RRP1B: variants seen among roughly 807,000 people sequenced by gnomAD.
RRP1B encodes ribosomal RNA processing protein 1 homolog B.
A neutral mutation model predicts 80.2 loss-of-function variants in RRP1B; 56 were observed. The observed-to-expected ratio is 0.70, with a 90% CI of 0.56 to 0.87. The LOEUF is 0.87. Among genes scored for constraint, RRP1B ranks in the 40% least tolerant of loss-of-function variants. The pLI is 0.00. For missense variants in RRP1B, 807 were observed against 939.8 expected (o/e 0.86, Z 1.85); for synonymous variants, 351 against 357.6 (o/e 0.98, Z 0.21).
At chr21:43,681,407 G>A (rs188698436) in intron 8 of RRP1B, among the ~76,000 whole-genome samples, 23 of 150,564 alleles carry the variant, frequency 1.5e-4, no homozygotes, top group Admixed American at 4.6e-4. Flanking sequence ...CCAGGCTGGA[G>A]TGCAATGGCG....
At chr21:43,687,353 G>A (rs1336276752) in intron 12 of RRP1B, among the ~76,000 whole-genome samples, 163 bp from the exon 13 acceptor site, 1 of 152,182 alleles carries the variant, frequency 6.6e-6, no homozygotes, top group Non-Finnish European at 1.5e-5. Context: ...GGGACCAGAC[G>A]ACAAAGGTAG....
At chr21:43,686,420 G>C (rs1444652635) in intron 11 of RRP1B, 1 of 181,390 alleles carries the variant, frequency 5.5e-6, no homozygotes, top group Non-Finnish European at 1.2e-5. Flanking sequence ...GGTCCCCCCG[G>C]GAAAGGCTGA....
At chr21:43,675,477 G>A (rs1209492352) in intron 6 of RRP1B, among the ~76,000 whole-genome samples, 1 of 152,162 alleles carries the variant, frequency 6.6e-6, no homozygotes, top group Admixed American at 6.6e-5. Flanking sequence ...TATGCAAATG[G>A]TAGACATTTT....
Position 43,690,174 on chromosome 21 carries a change from C to T in RRP1B, c.1867-114C>T, listed in dbSNP as rs182557632. On this transcript the variant is annotated intron_variant, in intron 13 of 15. Coordinates refer to ENST00000340648, the MANE Select transcript of RRP1B (RefSeq NM_015056.3). The stretch of plus-strand genomic sequence containing the variant: ...AAGTGCGGTGCGGAAGACCGCGGGC[C>T]GTCGGGTGGGCTGGATCTGCCTGGG... The T allele has an allele frequency of 1.1e-4, 139 of 1,236,464 alleles. No homozygotes were observed. In the Admixed American group the frequency reaches 1.8e-3, roughly 16 times the overall value. 76.6% of individuals were successfully genotyped at this position (1,236,464 alleles called of 1,614,324 possible). A position where few individuals can be genotyped will look rare whatever the true frequency, so the allele number is the denominator to read the frequency against.
chr21:43,677,573 TA>T (rs747162128), intron 8 of RRP1B, among the ~76,000 whole-genome samples: 2 of 152,216 alleles, frequency 1.3e-5, no homozygotes, highest in Non-Finnish European at 2.9e-5. Flanking sequence ...TCCTAAAAAC[TA>T]AGGACCAAAG....
intron 11 of RRP1B, 34 bp downstream of exon 11, chr21:43,685,823 T>C (rs1484769153): frequency 1.9e-6 from 3 of 1,589,490 alleles, no homozygotes; most frequent in African/African-American, 2.7e-5. Context: ...TTCATGGTGT[T>C]TTTCGTGAAT....
At position 43,691,546 on chromosome 21, in the gene RRP1B, T is replaced by G. The variant is rs373309453; in HGVS notation, c.2083+44T>G. On this transcript the variant is annotated intron_variant, in intron 15 of 15. Transcript: ENST00000340648. This position sits in a 1 kb window ranked among gnomAD's most constrained non-coding sequence, Gnocchi z 4.2. Reference sequence around the variant, plus strand: ...GCGGCAAGCTTCTCTGGAGCACAGCTGCAGCTCCTGGCGCGGCTCGCAGCC... The same window carrying G: ...GCGGCAAGCTTCTCTGGAGCACAGCGGCAGCTCCTGGCGCGGCTCGCAGCC... The G allele has an allele frequency of 2.2e-4, 346 of 1,585,692 alleles. No individual in the cohort carries two copies. Among genetic ancestry groups the G allele is most frequent in the Non-Finnish European group, 2.8e-4 (324 of 1,154,784 alleles).
At chr21:43,675,883 T>TA (rs2083020056) in intron 6 of RRP1B, among the ~76,000 whole-genome samples, 1 of 151,962 alleles carries the variant, frequency 6.6e-6, no homozygotes, top group South Asian at 2.1e-4. Context: ...TATTTTATTT[T>TA]ATTTTATTTT....
At chr21:43,689,141 T>G (rs2083076250) in intron 13 of RRP1B, among the ~76,000 whole-genome samples, 1 of 152,236 alleles carries the variant, frequency 6.6e-6, no homozygotes, top group South Asian at 2.1e-4. Context: ...AAACGTAGTG[T>G]CACTGCAACA....
intron 12 of RRP1B, 78 bp from the exon 13 acceptor site, chr21:43,687,438 C>A: frequency 9.2e-6 from 13 of 1,416,470 alleles, no homozygotes; most frequent in Non-Finnish European, 1.2e-5. Context: ...GTCCGCCAGT[C>A]ATACTGTCTG....
Position 43,693,211 on chromosome 21 carries a change from G to A in RRP1B, c.2105G>A (p.Ser702Asn). Residue 702 changes from serine to asparagine, a missense_variant, in exon 16 of 16, where the codon AGT becomes AAT. Physicochemically the swap from Ser to Asn is conservative, Grantham distance 46 (BLOSUM62 1). Transcript: ENST00000340648. The surrounding 1 kb of genome is among the most constrained non-coding windows in gnomAD (Gnocchi z 4.1). The part of the protein sequence containing the change: ...MTAEFKKTDK[S>N]ILVSPTGPSR... ...ACAGAATTCAAGAAGACAGACAAGA[G>A]TATCTTGGTCAGTCCCACGGGCCCT... is the stretch of plus-strand genomic sequence containing the variant. 6.2e-7 allele frequency: 1 copy of A among 1,614,018 alleles called. No homozygotes were observed. Among genetic ancestry groups the A allele is most frequent in the Non-Finnish European group, 8.5e-7 (1 of 1,179,964 alleles).
rs2083088189 is a variant in RRP1B, at chr21:43,691,856, A to T, written c.2083+354A>T. Among the ~76,000 whole-genome samples, 1 of 152,066 alleles carries T rather than the reference A, an allele frequency of 6.6e-6. No homozygotes were observed. Among genetic ancestry groups the T allele is most frequent in the African/African-American group, 2.4e-5 (1 of 41,410 alleles). ...AAGATGGAGTTTCACCATGTCAGCC[A>T]GGCTGGTCTCAAACTCCTGACCTCA... On this transcript the variant is annotated intron_variant, in intron 15 of 15. Transcript: ENST00000340648. This position sits in a 1 kb window ranked among gnomAD's most constrained non-coding sequence, Gnocchi z 4.2.
chr21:43,676,196 G>T, intron 6 of RRP1B, 76 bp from the exon 7 acceptor site: 1 of 1,069,018 alleles, frequency 9.4e-7, no homozygotes, highest in Non-Finnish European at 1.4e-6. Context: ...GTAAAAGATG[G>T]GAATGGTCCC....
intron 1 of RRP1B, among the ~76,000 whole-genome samples, chr21:43,669,361 C>A (rs548506984): frequency 6.6e-6 from 1 of 152,178 alleles, no homozygotes; most frequent in African/African-American, 2.4e-5. Context: ...TGTCCCCAGG[C>A]CCTTTCCTAG....
chr21:43,670,677 AT>A (rs142659419), intron 2 of RRP1B, among the ~76,000 whole-genome samples: 40 of 149,184 alleles, frequency 2.7e-4, no homozygotes, highest in South Asian at 1.1e-3. Flanking sequence ...ACCTTATGAG[AT>A]TTTTTTTTTT....
At chr21:43,669,490 C>T (rs1365266856) in intron 1 of RRP1B, among the ~76,000 whole-genome samples, 1 of 152,122 alleles carries the variant, frequency 6.6e-6, no homozygotes, top group Non-Finnish European at 1.5e-5. Context: ...GCAGGTCCCC[C>T]GCATCTCTTG....
rs1383141724 is a variant in RRP1B, at chr21:43,691,743, G to A, written c.2083+241G>A. ...AACCTCCGCCCCCCCAGGTTCAAGC[G>A]ATTCTCCTGCCTCAGGCTGCCGGGT... is the stretch of plus-strand genomic sequence containing the variant. On this transcript the variant is annotated intron_variant, in intron 15 of 15. Transcript: ENST00000340648. This position sits in a 1 kb window ranked among gnomAD's most constrained non-coding sequence, Gnocchi z 4.2. Among the ~76,000 whole-genome samples, 3 of 151,650 alleles carry A rather than the reference G, an allele frequency of 2.0e-5. No homozygotes were observed. Among genetic ancestry groups the A allele is most frequent in the Non-Finnish European group, 4.4e-5 (3 of 67,954 alleles).
At chr21:43,684,323 A>T (rs2083055217) in intron 9 of RRP1B, among the ~76,000 whole-genome samples, 1 of 152,022 alleles carries the variant, frequency 6.6e-6, no homozygotes, top group Admixed American at 6.6e-5. Context: ...CACCCGCCTC[A>T]GCCTCCCAAA....
chr21:43,680,190 T>C (rs569785797), intron 8 of RRP1B, among the ~76,000 whole-genome samples: 100 of 152,300 alleles, frequency 6.6e-4, no homozygotes, highest in Non-Finnish European at 1.1e-3. Context: ...TTCTTTTCTG[T>C]GATTGCTCTG....
Sources: allele counts gnomAD v4.1 joint callset (sites outside exome capture counted in the v4.1 genomes callset), GRCh38; gene constraint gnomAD v4.1.1; non-coding constraint Gnocchi (gnomAD v3.1); transcripts MANE v1.5; gene names NCBI Gene and HGNC (gene_info 2026-07-23, HGNC 2026-07-21).